The following ZNF385D variants were observed in gnomAD, a reference collection of about 807,000 sequenced individuals.
ZNF385D encodes the protein zinc finger protein 659.
In ZNF385D, 15 loss-of-function variants were observed where a neutral mutation model predicts 35.8. That is an observed-to-expected ratio of 0.42 (90% CI 0.28 to 0.64). The LOEUF (loss-of-function observed/expected upper bound fraction) is 0.64. Among genes scored for constraint, ZNF385D ranks in the 30% least tolerant of loss-of-function variants. The probability of loss-of-function intolerance (pLI) is 0.23; values close to 1 mark genes in which losing one functional copy is unlikely to be tolerated. For synonymous variants in ZNF385D, 212 were observed against 186.8 expected (o/e 1.13, Z -1.10); for missense variants, 474 against 494.6 (o/e 0.96, Z 0.39).
chr3:21,730,086 GAAC>G (rs1246525339), intron 1 of ZNF385D, among the ~76,000 whole-genome samples: 4 of 152,174 alleles, frequency 2.6e-5, no homozygotes, highest in Admixed American at 1.3e-4. Context: ...TCTCATTTAA[GAAC>G]AACCTCCCGA....
rs566152469 is a variant in ZNF385D at position 22,144,286 on chromosome 3, G to T, written c.325+24531C>A. On this transcript the variant is annotated intron_variant, in intron 3 of 5. Coordinates refer to the ZNF385D transcript ENST00000494108. ...CTTGAAGAGATTTTATACATTTAAA[G>T]AATGTGGTCAGGCATGGGAGCTCAC... 9.2e-5 allele frequency among the ~76,000 whole-genome samples: 14 copies of T among 152,188 alleles called. No homozygotes were observed. The South Asian group carries it at 2.9e-3, about 32-fold the overall frequency.
At chr3:22,181,326 C>T (rs931930878) in intron 2 of ZNF385D, among the ~76,000 whole-genome samples, 4 of 152,072 alleles carry the variant, frequency 2.6e-5, no homozygotes, top group Non-Finnish European at 5.9e-5. Flanking sequence ...CTCTAATTTC[C>T]ACCTTGAGGT....
chr3:22,059,510 TTC>T (rs980314429), intron 3 of ZNF385D, among the ~76,000 whole-genome samples: 3 of 152,186 alleles, frequency 2.0e-5, no homozygotes, highest in African/African-American at 7.2e-5. Context: ...AGACGTATCT[TTC>T]TTTTGCAAAG....
intron 2 of ZNF385D, among the ~76,000 whole-genome samples, chr3:22,260,347 G>A (rs1278233772): frequency 6.6e-6 from 1 of 151,838 alleles, no homozygotes; most frequent in Non-Finnish European, 1.5e-5. Context: ...GGGCCTGTTG[G>A]CAGGTGGGCG....
At chr3:21,955,400 G>A (rs899129560) in intron 3 of ZNF385D, among the ~76,000 whole-genome samples, 3 of 152,030 alleles carry the variant, frequency 2.0e-5, no homozygotes, top group Non-Finnish European at 4.4e-5. Flanking sequence ...AAGAAGATGG[G>A]TTCTCTTGTC....
intron 3 of ZNF385D, among the ~76,000 whole-genome samples, chr3:22,087,040 A>G (rs1701081858): frequency 6.6e-6 from 1 of 152,154 alleles, no homozygotes; most frequent in Admixed American, 6.5e-5. Flanking sequence ...TATGTAACAA[A>G]CCTGCACGCA....
At chr3:22,221,483 TAG>T (rs1339881800) in intron 2 of ZNF385D, among the ~76,000 whole-genome samples, 3 of 152,160 alleles carry the variant, frequency 2.0e-5, no homozygotes, top group African/African-American at 7.2e-5. Context: ...AGCATTGCGT[TAG>T]AGTGTTCTTA....
intron 2 of ZNF385D, among the ~76,000 whole-genome samples, chr3:22,188,075 C>G (rs745505293): frequency 6.6e-6 from 1 of 152,114 alleles, no homozygotes; most frequent in Non-Finnish European, 1.5e-5. Context: ...GGAGTGTACA[C>G]AGGAATCACG....
chr3:21,436,714 T>C, intron 5 of ZNF385D: 1 of 405,778 alleles, frequency 2.5e-6, no homozygotes, highest in Non-Finnish European at 4.4e-6. Flanking sequence ...TTTAGGATTG[T>C]ATTTCATTTT....
intron 2 of ZNF385D, among the ~76,000 whole-genome samples, chr3:22,252,086 G>C (rs947986598): frequency 3.3e-5 from 5 of 152,052 alleles, no homozygotes; most frequent in African/African-American, 1.2e-4. Flanking sequence ...GGGAGAGAGG[G>C]AGGATGACAC....
chr3:22,076,584 T>C (rs917540064), intron 3 of ZNF385D, among the ~76,000 whole-genome samples: 5 of 151,942 alleles, frequency 3.3e-5, no homozygotes, highest in Admixed American at 6.6e-5. Flanking sequence ...CTATTTGTAA[T>C]TGTTTATGTT....
At chr3:21,456,962 C>A (rs1482775660) in intron 4 of ZNF385D, among the ~76,000 whole-genome samples, 2 of 152,020 alleles carry the variant, frequency 1.3e-5, no homozygotes, top group African/African-American at 2.4e-5. Flanking sequence ...TTGCAGTTAT[C>A]ACATTCAAAC....
intron 3 of ZNF385D, among the ~76,000 whole-genome samples, chr3:22,035,842 G>T (rs1385417957): frequency 1.3e-5 from 2 of 152,116 alleles, no homozygotes; most frequent in Non-Finnish European, 2.9e-5. Context: ...AAATATTGTG[G>T]ATCTTGTTAT....
At chr3:22,044,361 C>G (rs1237842769) in intron 3 of ZNF385D, among the ~76,000 whole-genome samples, 3 of 151,996 alleles carry the variant, frequency 2.0e-5, no homozygotes, top group African/African-American at 7.2e-5. Context: ...GCTGCTTGAT[C>G]GAATCACATC....
chr3:21,537,316 A>G (rs1487037665), intron 3 of ZNF385D, among the ~76,000 whole-genome samples: 1 of 151,532 alleles, frequency 6.6e-6, no homozygotes, highest in Non-Finnish European at 1.5e-5. Flanking sequence ...TATTTTTAGT[A>G]GAGACGGGGT....
intron 3 of ZNF385D, among the ~76,000 whole-genome samples, chr3:22,042,173 A>C (rs1465889880): frequency 1.3e-5 from 2 of 152,086 alleles, no homozygotes; most frequent in Non-Finnish European, 2.9e-5. Context: ...CCTGGATCCA[A>C]ACTCTTTTGT....
chr3:22,103,876 A>G (rs1159319705), intron 3 of ZNF385D, among the ~76,000 whole-genome samples: 4 of 152,156 alleles, frequency 2.6e-5, no homozygotes, highest in African/African-American at 9.6e-5. Context: ...AAATACTAAT[A>G]TCCATCCTAT....
intron 3 of ZNF385D, among the ~76,000 whole-genome samples, chr3:21,974,858 C>A (rs559913935): frequency 6.6e-6 from 1 of 152,258 alleles, no homozygotes; most frequent in East Asian, 1.9e-4. Context: ...CAAATCCCAC[C>A]TACACTGAGA....
At chr3:22,364,895 C>T (rs954864112) in intron 2 of ZNF385D, among the ~76,000 whole-genome samples, 3 of 152,044 alleles carry the variant, frequency 2.0e-5, no homozygotes, top group African/African-American at 7.2e-5. Flanking sequence ...CATATACACA[C>T]ACAGTGGAAT....
Sources: gnomAD v4.1 joint callset for allele counts (sites outside exome capture counted in the v4.1 genomes callset) on GRCh38, gnomAD v4.1.1 for gene constraint, MANE v1.5 for transcripts, NCBI Gene and HGNC (gene_info 2026-07-23, HGNC 2026-07-21) for gene names.